The following DMXL2 variants were observed in gnomAD, a reference collection of about 807,000 sequenced individuals.
DMXL2 encodes the protein dmX-like protein 2.
A neutral mutation model predicts 331.1 loss-of-function variants in DMXL2; 103 were observed. That is an observed-to-expected ratio of 0.31 (90% CI 0.27 to 0.37). DMXL2 has a LOEUF of 0.37. Among genes scored for constraint, DMXL2 ranks in the 10% least tolerant of loss-of-function variants. The probability of loss-of-function intolerance (pLI) is 1.00; values close to 1 mark genes in which losing one functional copy is unlikely to be tolerated. For missense variants in DMXL2, 3,171 were observed against 3,642.9 expected (o/e 0.87, Z 3.33); for synonymous variants, 1,281 against 1,252.1 (o/e 1.02, Z -0.49).
In DMXL2 at chr15:51,622,663, G is replaced by A. The variant is rs2141490951; in HGVS notation, c.-118C>T. The A allele has an allele frequency of 4.1e-6, 6 of 1,447,128 alleles. No homozygotes were observed. Among genetic ancestry groups the A allele is most frequent in the Admixed American group, 5.3e-5 (2 of 37,600 alleles). The allele number at this position is 1,447,128 out of a possible 1,614,324, so 89.6% of individuals were successfully genotyped here. A position where few individuals can be genotyped will look rare whatever the true frequency, so the allele number is the denominator to read the frequency against. The stretch of plus-strand genomic sequence containing the variant: ...CTCCCTCGGAAACCCGCCCCGCGGA[G>A]GCTCTGGCTTAACTCCTCGCCCCCC... On this transcript the variant is annotated 5_prime_UTR_variant, in exon 1 of 44. Coordinates refer to ENST00000560891, the MANE Select transcript of DMXL2 (RefSeq NM_001378457.1).
Position 51,591,327 on chromosome 15 carries a change from G to A in DMXL2, c.88-15146C>T, listed in dbSNP as rs566120856. ...GAGGGTCCTACGCCCACAGAGCCTC[G>A]CTCATTGCTAGCACAGCAGTCTGAG... On this transcript the variant is annotated intron_variant, in intron 1 of 43. Transcript: ENST00000560891. 2.8e-3 allele frequency among the ~76,000 whole-genome samples: 422 copies of A among 152,266 alleles called. 4 individuals are homozygous for A. Among genetic ancestry groups the A allele is most frequent in the African/African-American group, 9.7e-3 (401 of 41,550 alleles).
chr15:51,514,539 C>T lies in DMXL2; in HGVS notation c.2547G>A (p.Leu849=). The T allele has an allele frequency of 6.3e-7, 1 of 1,587,186 alleles. No individual in the cohort carries two copies. Among genetic ancestry groups the T allele is most frequent in the Non-Finnish European group, 8.6e-7 (1 of 1,166,722 alleles). The change falls in exon 15 of 44, where the codon TTG becomes TTA. Residue 849 remains leucine (L), a synonymous_variant. Transcript: ENST00000560891. ...TGAAGTCTTCTTGAAACACATGAAG[C>T]AACTGTGTATTTGAGCCACACTACA... is the stretch of plus-strand genomic sequence containing the variant. ...ITNQCGSNTQ[L]LHVFQEDFII... is the part of the protein sequence containing the mutation.
intron 25 of DMXL2, among the ~76,000 whole-genome samples, chr15:51,478,798 T>C (rs532905005): frequency 2.6e-5 from 4 of 152,338 alleles, no homozygotes; most frequent in Non-Finnish European, 5.9e-5. Context: ...TAAATCTTTT[T>C]AGTAAATGTG....
chr15:51,470,624 CAG>C (rs1221344984), intron 29 of DMXL2, among the ~76,000 whole-genome samples: 1 of 152,118 alleles, frequency 6.6e-6, no homozygotes, highest in Non-Finnish European at 1.5e-5. Context: ...AAGGTAACAA[CAG>C]AGTTAACACA....
In DMXL2 at chr15:51,481,349, T is replaced by C; in HGVS notation, c.5757A>G (p.Ala1919=). Residue 1919 remains alanine (A), a synonymous_variant, in exon 24 of 44, where the codon GCA becomes GCG. Coordinates refer to ENST00000560891, the MANE Select transcript of DMXL2 (RefSeq NM_001378457.1). ...PKVTKTSALS[A]KKDQPDFISH... is the part of the protein sequence containing the mutation. ...AAATGAAGTCAGGCTGATCTTTTTT[T>C]GCAGATAAGGCAGATGTTTTGGTTA... 6.2e-7 allele frequency: 1 copy of C among 1,614,138 alleles called. No homozygotes were observed. Among genetic ancestry groups the C allele is most frequent in the South Asian group, 1.1e-5 (1 of 91,068 alleles).
At chr15:51,527,008 A>T (rs2047711750) in intron 13 of DMXL2, among the ~76,000 whole-genome samples, 1 of 152,226 alleles carries the variant, frequency 6.6e-6, no homozygotes, top group Non-Finnish European at 1.5e-5. Context: ...TCCCAAGACT[A>T]CAGAAAGACA....
rs1247351418 is a variant in DMXL2, at chr15:51,605,317, C to T, written c.87+17142G>A. 7.2e-5 allele frequency among the ~76,000 whole-genome samples: 11 copies of T among 152,238 alleles called. No individual in the cohort carries two copies. The East Asian group carries it at 2.1e-3, about 29-fold the overall frequency. The stretch of plus-strand genomic sequence containing the variant: ...TTGGGTTCAAGTGATTCTAGTGCCT[C>T]AACCTCCCAAGTGGCTGGGACTACA... On this transcript the variant is annotated intron_variant, in intron 1 of 43. Transcript: ENST00000560891.
intron 22 of DMXL2, among the ~76,000 whole-genome samples, chr15:51,487,376 A>C (rs2042470094): frequency 6.6e-6 from 1 of 152,118 alleles, no homozygotes; most frequent in Non-Finnish European, 1.5e-5. Flanking sequence ...GGTCTGGAAG[A>C]AGACATTCAT....
chr15:51,581,870 C>T lies in DMXL2; in HGVS notation c.88-5689G>A, dbSNP rs926770355. Among the ~76,000 whole-genome samples the T allele has an allele frequency of 2.6e-5, 4 of 152,040 alleles. No individual in the cohort carries two copies. The East Asian group carries it at 7.7e-4, about 29-fold the overall frequency. On this transcript the variant is annotated intron_variant, in intron 1 of 43. Coordinates refer to ENST00000560891, the MANE Select transcript of DMXL2 (RefSeq NM_001378457.1). ...ATCATTGACAACTACTGATAAGTGT[C>T]TAAACTTCAAAGACCAAAAAAAAGA...
At chr15:51,565,453 A>G (rs1027419782) in intron 3 of DMXL2, among the ~76,000 whole-genome samples, 3 of 152,278 alleles carry the variant, frequency 2.0e-5, no homozygotes, top group African/African-American at 7.2e-5. Context: ...AGGATATCCT[A>G]TTCCTCACGT....
chr15:51,547,879 G>C (rs1030857408), intron 6 of DMXL2, among the ~76,000 whole-genome samples: 2 of 152,110 alleles, frequency 1.3e-5, no homozygotes, highest in African/African-American at 2.4e-5. Context: ...TTTCTGCAAA[G>C]GGCCAGATGG....
At chr15:51,451,755 C>A in intron 41 of DMXL2, 58 bp from the exon 42 acceptor site, 2 of 1,422,242 alleles carry the variant, frequency 1.4e-6, no homozygotes, top group Non-Finnish European at 2.0e-6. Flanking sequence ...AAGTCGTCAT[C>A]AGGGACAACC....
At position 51,514,446 on chromosome 15, in the gene DMXL2, T is replaced by C; in HGVS notation, c.2640A>G (p.Ser880=). 1 of 1,533,202 alleles carries C rather than the reference T, an allele frequency of 6.5e-7. No homozygotes were observed. The allele number at this position is 1,533,202 out of a possible 1,614,324, so 95.0% of individuals were successfully genotyped here. Residue 880 remains serine (S), a synonymous_variant, in exon 15 of 44, where the codon TCA becomes TCG. Transcript: ENST00000560891. ...CAGACTATTTTTTTAAAGTACCTTGTGATGGCTGAAAAAATATTTCTGTTT... is the reference window on the plus strand; with the variant it reads ...CAGACTATTTTTTTAAAGTACCTTGCGATGGCTGAAAAAATATTTCTGTTT... ...KKETEIFFQP[S]QGYRPPPFSE...
chr15:51,597,256 G>C lies in DMXL2; in HGVS notation c.88-21075C>G, dbSNP rs989872626. Among the ~76,000 whole-genome samples the C allele has an allele frequency of 2.6e-5, 4 of 152,212 alleles. No individual in the cohort carries two copies. In the East Asian group the frequency reaches 7.7e-4, roughly 29 times the overall value. On this transcript the variant is annotated intron_variant, in intron 1 of 43. Transcript: ENST00000560891. ...GAAGAGTATTTCCAGCAACTCAAAA[G>C]ATTATCTGTCCCTTCCAAATTACAC...
chr15:51,617,604 C>A (rs569629636), intron 1 of DMXL2, among the ~76,000 whole-genome samples: 2 of 152,326 alleles, frequency 1.3e-5, no homozygotes, highest in South Asian at 4.1e-4. Flanking sequence ...CCTACAACTT[C>A]AACACAACCA....
rs2039728274 is a variant in DMXL2 at position 51,457,458 on chromosome 15, T to C, written c.8207A>G (p.Asp2736Gly). 2 of 1,613,906 alleles carry C rather than the reference T, an allele frequency of 1.2e-6. No individual in the cohort carries two copies. The highest frequency in any genetic ancestry group is 1.3e-5 in the African/African-American group (1 of 74,938). ...EYDRESKSSD[D>G]VDYRGSTTTL... ...TGTAGTGGAACCACGATAATCAACATCATCTGAACTGTGAAAAACATTCAT... is the reference window on the plus strand; with the variant it reads ...TGTAGTGGAACCACGATAATCAACACCATCTGAACTGTGAAAAACATTCAT... Residue 2736 changes from aspartate to glycine, a missense_variant, in exon 37 of 44, where the codon GAT becomes GGT. By Grantham distance (94) the Asp-to-Gly change is moderately conservative. Transcript: ENST00000560891.
rs771479927 is a variant in DMXL2 at position 51,495,076 on chromosome 15, T to C, written c.4731A>G (p.Thr1577=). 20 of 1,613,426 alleles carry C rather than the reference T, an allele frequency of 1.2e-5. No individual in the cohort carries two copies. Among genetic ancestry groups the C allele is most frequent in the Non-Finnish European group, 1.7e-5 (20 of 1,179,540 alleles). Residue 1577 remains threonine, a synonymous_variant, in exon 19 of 44, where the codon ACA becomes ACG. Transcript: ENST00000560891. ...AAGGAGGCAGCGATGTCAAAAGGCA[T>C]GTGTGTAGGCGCATAGCTAACAAGT... The part of the protein sequence containing the change: ...LRYLLAMRLH[T]CLLTSLPPLY...
At chr15:51,484,451 C>A (rs955358005) in intron 23 of DMXL2, among the ~76,000 whole-genome samples, 1 of 152,220 alleles carries the variant, frequency 6.6e-6, no homozygotes, top group African/African-American at 2.4e-5. Context: ...ATTGCAAATG[C>A]CACTAATGTG....
intron 2 of DMXL2, among the ~76,000 whole-genome samples, chr15:51,569,416 C>T (rs1030850088): frequency 6.6e-6 from 1 of 152,168 alleles, no homozygotes; most frequent in African/African-American, 2.4e-5. Context: ...CAGACTTAAA[C>T]GTCCCTGCCT....
Sources: allele counts gnomAD v4.1 joint callset (sites outside exome capture counted in the v4.1 genomes callset), GRCh38; gene constraint gnomAD v4.1.1; transcripts MANE v1.5; gene names NCBI Gene and HGNC (gene_info 2026-07-23, HGNC 2026-07-21).